Variants in CUX2 observed in about 807,000 individuals in gnomAD.
CUX2 encodes the protein homeobox protein cut-like 2.
A neutral mutation model predicts 144.8 loss-of-function variants in CUX2; 40 were observed. The ratio of observed to expected loss-of-function variants is 0.28; its 90% confidence interval spans 0.21 to 0.36. The LOEUF (loss-of-function observed/expected upper bound fraction) is 0.36. Ranked by LOEUF, CUX2 falls within the 10% of genes least tolerant of loss-of-function variation. CUX2 has a pLI of 1.00. For synonymous variants in CUX2, 827 were observed against 875.6 expected, an observed-to-expected ratio of 0.94 and a Z score of 0.98; for missense variants, 1,615 against 1,994.0, an observed-to-expected ratio of 0.81 and a Z score of 3.62.
At chr12:111,221,774 TTTTC>T (rs1028530389) in intron 3 of CUX2, among the ~76,000 whole-genome samples, 5 of 152,100 alleles carry the variant, frequency 3.3e-5, no homozygotes, top group Non-Finnish European at 5.9e-5. Context: ...TGTGGGTCTC[TTTTC>T]TTTCTTTCTG....
At chr12:111,254,603 A>G (rs1478773132) in intron 3 of CUX2, among the ~76,000 whole-genome samples, 3 of 152,226 alleles carry the variant, frequency 2.0e-5, no homozygotes, top group African/African-American at 7.2e-5. Context: ...TGAATGCTCA[A>G]AACGATTTAA....
intron 1 of CUX2, among the ~76,000 whole-genome samples, chr12:111,209,910 T>C (rs566071029): frequency 1.2e-4 from 18 of 152,246 alleles, no homozygotes; most frequent in Non-Finnish European, 2.1e-4. Context: ...CTGTTTATGA[T>C]GATCATTATT....
intron 1 of CUX2, among the ~76,000 whole-genome samples, chr12:111,151,276 G>A (rs748436275): frequency 1.3e-5 from 2 of 152,188 alleles, no homozygotes; most frequent in African/African-American, 2.4e-5. Flanking sequence ...TCGTTACCAT[G>A]CGCTGTTATG....
intron 1 of CUX2, among the ~76,000 whole-genome samples, chr12:111,136,968 C>T (rs1875932425): frequency 3.3e-5 from 5 of 150,590 alleles, no homozygotes; most frequent in Middle Eastern, 6.9e-3. Flanking sequence ...GACAGGGTCT[C>T]GCTCTGTTGC....
chr12:111,299,137 G>A (rs1435648291), intron 9 of CUX2, among the ~76,000 whole-genome samples: 3 of 152,234 alleles, frequency 2.0e-5, no homozygotes, highest in African/African-American at 7.2e-5. Flanking sequence ...ACCAGCCAGA[G>A]ACATGGCCAG....
In CUX2 at chr12:111,061,988, C is replaced by T. The variant is rs1566195557; in HGVS notation, c.63+27748C>T. On this transcript the variant is annotated intron_variant, in intron 1 of 21. Coordinates refer to ENST00000261726, the MANE Select transcript of CUX2 (RefSeq NM_015267.4). This position sits in a 1 kb window ranked among gnomAD's most constrained non-coding sequence, Gnocchi z 4.2. ...TGTGAAATAGGTCGCCTCGCAGCCT[C>T]ACTCACAGGGAGTGTCGGCAGGGTT... Among the ~76,000 whole-genome samples, 2 of 152,234 alleles carry T rather than the reference C, an allele frequency of 1.3e-5. No individual in the cohort carries two copies. The highest frequency in any genetic ancestry group is 2.9e-5 in the Non-Finnish European group (2 of 68,044).
chr12:111,106,181 A>G (rs1270980344), intron 1 of CUX2, among the ~76,000 whole-genome samples: 1 of 151,848 alleles, frequency 6.6e-6, no homozygotes, highest in Non-Finnish European at 1.5e-5. Flanking sequence ...TTGTAAGGAT[A>G]GGGTTTTGCC....
chr12:111,265,792 C>T (rs1004463392), intron 4 of CUX2, among the ~76,000 whole-genome samples: 3 of 152,204 alleles, frequency 2.0e-5, no homozygotes, highest in Non-Finnish European at 4.4e-5. Context: ...ACCCAGACCT[C>T]TCCCAGTCCT....
chr12:111,209,617 T>C (rs1881098651), intron 1 of CUX2, among the ~76,000 whole-genome samples: 1 of 152,198 alleles, frequency 6.6e-6, no homozygotes, highest in Admixed American at 6.5e-5. Flanking sequence ...AGCTCATATG[T>C]TCTGAGTGCC....
At chr12:111,303,553 G>A (rs1046711126) in intron 9 of CUX2, among the ~76,000 whole-genome samples, 11 of 150,572 alleles carry the variant, frequency 7.3e-5, no homozygotes, top group South Asian at 2.1e-4. Context: ...GGAAAATCTC[G>A]TGAACCCAGG....
chr12:111,247,913 CTT>C (rs1197651979), intron 3 of CUX2, among the ~76,000 whole-genome samples: 3 of 152,158 alleles, frequency 2.0e-5, no homozygotes, highest in African/African-American at 7.2e-5. Flanking sequence ...TTGTTTGTTT[CTT>C]TGTTTTTGAG....
chr12:111,176,177 G>A (rs1354779393), intron 1 of CUX2, among the ~76,000 whole-genome samples: 1 of 149,856 alleles, frequency 6.7e-6, no homozygotes, highest in African/African-American at 2.5e-5. Context: ...TCAGCCTCTT[G>A]AGTACCTGGG....
chr12:111,090,167 G>T lies in CUX2; in HGVS notation c.63+55927G>T, dbSNP rs115694581. 6.2e-3 allele frequency among the ~76,000 whole-genome samples: 939 copies of T among 152,364 alleles called. 5 individuals carry two copies. The highest frequency in any genetic ancestry group is 0.021 in the African/African-American group (878 of 41,582). On this transcript the variant is annotated intron_variant, in intron 1 of 21. Coordinates refer to ENST00000261726, the MANE Select transcript of CUX2 (RefSeq NM_015267.4). ...TAGGAGTGACCAGCTAGGGACATTT[G>T]TCAGTGCTGAATTGACAGAGCTCTC... is the stretch of plus-strand genomic sequence containing the variant.
chr12:111,155,118 A>G (rs779306115), intron 1 of CUX2, among the ~76,000 whole-genome samples: 7 of 152,208 alleles, frequency 4.6e-5, no homozygotes, highest in Admixed American at 6.5e-5. Flanking sequence ...CCTGACTTCA[A>G]TTAAGTTGAG....
intron 1 of CUX2, among the ~76,000 whole-genome samples, chr12:111,150,394 C>T (rs1566255643): frequency 6.6e-6 from 1 of 152,186 alleles, no homozygotes. Context: ...ACACACATGC[C>T]CCTCTTGCCA....
At chr12:111,095,450 C>T (rs1268887995) in intron 1 of CUX2, among the ~76,000 whole-genome samples, 1 of 151,906 alleles carries the variant, frequency 6.6e-6, no homozygotes, top group African/African-American at 2.4e-5. Flanking sequence ...GAGAGTGAGA[C>T]CCTATCTCAA....
chr12:111,273,658 T>G lies in CUX2; in HGVS notation c.301+9819T>G, dbSNP rs570522355. 2.2e-3 allele frequency among the ~76,000 whole-genome samples: 329 copies of G among 152,298 alleles called. 1 individual carries two copies. Among genetic ancestry groups the G allele is most frequent in the African/African-American group, 7.5e-3 (310 of 41,546 alleles). ...GGAAGAACAAGTGGAACTTTCATTC[T>G]GGGGAGACAGTCACACAGCTCCCAA... is the stretch of plus-strand genomic sequence containing the variant. On this transcript the variant is annotated intron_variant, in intron 4 of 21. Coordinates refer to ENST00000261726, the MANE Select transcript of CUX2 (RefSeq NM_015267.4).
rs779704172 is a variant in CUX2 at position 111,293,399 on chromosome 12, C to T, written c.437-47C>T. ...TTACAGAAAGCGGCTCTGGCTGCCA[C>T]GTTGCTCTCTTGGCAATGGGGGTTT... On this transcript the variant is annotated intron_variant, in intron 5 of 21. Transcript: ENST00000261726. The surrounding 1 kb of genome is among the most constrained non-coding windows in gnomAD (Gnocchi z 4.5). 37 of 1,570,174 alleles carry T rather than the reference C, an allele frequency of 2.4e-5. No individual in the cohort carries two copies. Among genetic ancestry groups the T allele is most frequent in the Admixed American group, 7.8e-5 (4 of 50,986 alleles).
At chr12:111,040,638 C>T (rs1368691654) in intron 1 of CUX2, among the ~76,000 whole-genome samples, 2 of 152,154 alleles carry the variant, frequency 1.3e-5, no homozygotes, top group South Asian at 4.1e-4. Context: ...CAGATGTGCT[C>T]CCATATTGCT....
Sources: gnomAD v4.1 joint callset for allele counts (sites outside exome capture counted in the v4.1 genomes callset) on GRCh38, gnomAD v4.1.1 for gene constraint, Gnocchi (gnomAD v3.1) non-coding constraint, MANE v1.5 for transcripts, NCBI Gene and HGNC (gene_info 2026-07-23, HGNC 2026-07-21) for gene names.